ADAM28: variants seen among roughly 807,000 people sequenced by gnomAD.
The protein encoded by ADAM28 is ADAM metallopeptidase domain 28, also known as disintegrin and metalloproteinase domain-containing protein 28.
In ADAM28, 105 loss-of-function variants were observed where a neutral mutation model predicts 101.2. That is an observed-to-expected ratio of 1.04 (90% CI 0.89 to 1.22). The LOEUF is 1.22. Ranked by LOEUF, ADAM28 falls within the 50% of genes most tolerant of loss-of-function variation. The pLI, the probability that ADAM28 is intolerant of heterozygous loss-of-function variation, is 0.00. For synonymous variants in ADAM28, 322 were observed against 310.6 expected (o/e 1.04, Z -0.39); for missense variants, 1,028 against 945.4 (o/e 1.09, Z -1.15).
intron 18 of ADAM28, among the ~76,000 whole-genome samples, chr8:24,344,209 G>A (rs1329832729): frequency 6.6e-6 from 1 of 152,162 alleles, no homozygotes; most frequent in African/African-American, 2.4e-5. Context: ...GGGTGGGAAG[G>A]AGCCAGAGTG....
intron 22 of ADAM28, among the ~76,000 whole-genome samples, chr8:24,354,061 C>T (rs1025837174): frequency 3.3e-5 from 5 of 151,954 alleles, no homozygotes; most frequent in Non-Finnish European, 7.4e-5. Context: ...TATTTATTTT[C>T]TCAGAAATAT....
chr8:24,313,705 T>G (rs888956447), intron 6 of ADAM28, 125 bp downstream of exon 6: 3 of 934,710 alleles, frequency 3.2e-6, no homozygotes, highest in Admixed American at 5.6e-5. Flanking sequence ...ACACTAATCC[T>G]TAAATATTGC....
chr8:24,325,889 A>AAAAAAAAAAAAAAAAAAAAAAAAAAAC (rs1563297002), intron 9 of ADAM28, among the ~76,000 whole-genome samples: 1 of 141,922 alleles, frequency 7.0e-6, no homozygotes, highest in African/African-American at 2.8e-5. Flanking sequence ...AAAAAAAAAA[A>AAAAAAAAAAAAAAAAAAAAAAAAAAAC]AAAAAAAAAA....
In ADAM28 at chr8:24,335,459, G is replaced by C. The variant is rs200420801; in HGVS notation, c.1385G>C (p.Gly462Ala). The C allele has an allele frequency of 3.0e-4, 488 of 1,611,774 alleles. 3 individuals carry two copies. The highest frequency in any genetic ancestry group is 2.1e-5 in the Non-Finnish European group (25 of 1,178,898). Residue 462 changes from glycine to alanine, a missense_variant, in exon 14 of 23, where the codon GGG becomes GCG. By Grantham distance (60) the Gly-to-Ala change is moderately conservative. Coordinates refer to ENST00000265769, the MANE Select transcript of ADAM28 (RefSeq NM_014265.6). ...GTTTTTCTACAGTTTAAAAAGGCTG[G>C]GATGGTGTGCAGACCAGCAAAAGAT... is the stretch of plus-strand genomic sequence containing the variant. Reference protein sequence around the residue: ...CCEKCQFKKAGMVCRPAKDEC... With the variant: ...CCEKCQFKKAAMVCRPAKDEC...
At chr8:24,328,098 C>A (rs904918967) in intron 10 of ADAM28, among the ~76,000 whole-genome samples, 1 of 151,954 alleles carries the variant, frequency 6.6e-6, no homozygotes, top group Non-Finnish European at 1.5e-5. Context: ...CACTTCATTG[C>A]ATTTCCAGCA....
intron 8 of ADAM28, 138 bp downstream of exon 8, chr8:24,321,427 G>A (rs1811864881): frequency 5.4e-6 from 4 of 747,402 alleles, no homozygotes; most frequent in Non-Finnish European, 9.8e-6. Context: ...CCCAAAGGAT[G>A]ACCACAACTT....
Position 24,335,580 on chromosome 8 carries a change from C to T in ADAM28, c.1506C>T (p.Gly502=). The T allele has an allele frequency of 6.2e-7, 1 of 1,613,676 alleles. No homozygotes were observed. The highest frequency in any genetic ancestry group is 8.5e-7 in the Non-Finnish European group (1 of 1,179,796). The change falls in exon 14 of 23, where the codon GGC becomes GGT. Residue 502 remains glycine (G), a synonymous_variant. Coordinates refer to ENST00000265769, the MANE Select transcript of ADAM28 (RefSeq NM_014265.6). The part of the protein sequence containing the change: ...VNGFPCHHGK[G]HCLMGTCPTL... ...GCTTCCCTTGCCATCACGGGAAGGG[C>T]CACTGCTTGATGGGGACATGCCCCA...
rs1335624177 is a variant in ADAM28 at position 24,357,942 on chromosome 8, A to G, written c.*3538A>G. On this transcript the variant is annotated 3_prime_UTR_variant, in exon 23 of 23. Transcript: ENST00000265769. ...TTTATCTTCCAAATTACTGGTTTTT[A>G]TATTCTGTACTGTCAGTCCTCCTGT... 2 of 151,826 alleles carry G rather than the reference A, an allele frequency of 1.3e-5. No homozygotes were observed. The highest frequency in any genetic ancestry group is 2.9e-5 in the Non-Finnish European group (2 of 67,938). 9.4% of individuals were successfully genotyped at this position (151,826 alleles called of 1,614,324 possible).
At chr8:24,331,942 G>C (rs539903686) in intron 12 of ADAM28, among the ~76,000 whole-genome samples, 3 of 152,258 alleles carry the variant, frequency 2.0e-5, no homozygotes, top group African/African-American at 7.2e-5. Flanking sequence ...CAAGCCTTCA[G>C]AGTACTGGCT....
At chr8:24,311,646 G>A (rs1236755940) in intron 5 of ADAM28, among the ~76,000 whole-genome samples, 2 of 152,104 alleles carry the variant, frequency 1.3e-5, no homozygotes, top group Non-Finnish European at 2.9e-5. Context: ...ATATATTTTT[G>A]TTAGTTTAGT....
intron 21 of ADAM28, 85 bp downstream of exon 21, chr8:24,352,137 A>G: frequency 8.6e-7 from 1 of 1,156,250 alleles, no homozygotes; most frequent in Non-Finnish European, 1.3e-6. Flanking sequence ...ACACTTCATT[A>G]TTTCTTCAGG....
chr8:24,346,364 G>C (rs1290541399), intron 18 of ADAM28, among the ~76,000 whole-genome samples: 9 of 151,940 alleles, frequency 5.9e-5, no homozygotes. Context: ...GGTAATTACT[G>C]ACCTACTGTT....
In ADAM28 at chr8:24,354,619, T is replaced by C; in HGVS notation, c.*215T>C. ...CTTTGCATGAATTTAAAATTTCAAT[T>C]ATCCATTCTTATAAGAAGGAAGATG... On this transcript the variant is annotated 3_prime_UTR_variant, in exon 23 of 23. Transcript: ENST00000265769. 2.4e-6 allele frequency: 1 copy of C among 422,600 alleles called. No homozygotes were observed. Among genetic ancestry groups the C allele is most frequent in the Non-Finnish European group, 4.3e-6 (1 of 234,846 alleles). 26.2% of individuals were successfully genotyped at this position (422,600 alleles called of 1,614,324 possible).
In ADAM28 at chr8:24,294,171, G is replaced by C. The variant is rs1273223068; in HGVS notation, c.22G>C (p.Val8Leu). Residue 8 changes from valine to leucine, a missense_variant, in exon 1 of 23, where the codon GTC becomes CTC. Val to Leu is a conservative substitution (Grantham distance 32). Transcript: ENST00000265769. ...CAGCATGTTGCAAGGTCTCCTGCCA[G>C]TCAGTCTCCTCCTCTCTGTTGCAGG... The part of the protein sequence containing the change: MLQGLLP[V>L]SLLLSVAVSA... The C allele has an allele frequency of 1.2e-6, 2 of 1,614,164 alleles. No individual in the cohort carries two copies. Among genetic ancestry groups the C allele is most frequent in the Non-Finnish European group, 1.7e-6 (2 of 1,180,004 alleles).
intron 2 of ADAM28, among the ~76,000 whole-genome samples, chr8:24,303,679 G>T (rs1434079884): frequency 6.6e-6 from 1 of 152,118 alleles, no homozygotes; most frequent in African/African-American, 2.4e-5. Context: ...TTCTGTGAAA[G>T]ATGTCAATGG....
intron 5 of ADAM28, among the ~76,000 whole-genome samples, chr8:24,312,402 C>T (rs1188558046): frequency 6.6e-6 from 1 of 151,982 alleles, no homozygotes; most frequent in African/African-American, 2.4e-5. Context: ...ATTTTCAATC[C>T]CTTACCAAGT....
intron 1 of ADAM28, among the ~76,000 whole-genome samples, chr8:24,296,843 G>A (rs540008481): frequency 7.2e-5 from 11 of 152,242 alleles, no homozygotes; most frequent in Admixed American, 2.0e-4. Flanking sequence ...TGTTCCTCAG[G>A]CTTCAAAAAT....
chr8:24,338,988 T>C (rs1050838804), intron 14 of ADAM28, among the ~76,000 whole-genome samples: 1 of 152,044 alleles, frequency 6.6e-6, no homozygotes, highest in East Asian at 1.9e-4. Context: ...TACTTTTATA[T>C]ATGTGTAAAT....
At chr8:24,353,739 T>A (rs560540531) in intron 21 of ADAM28, 31 bp from the exon 22 acceptor site, 1 of 1,318,162 alleles carries the variant, frequency 7.6e-7, no homozygotes, top group Admixed American at 1.7e-5. Flanking sequence ...GCATTTCTAA[T>A]GCCATACCAT....
Sources: allele counts gnomAD v4.1 joint callset (sites outside exome capture counted in the v4.1 genomes callset), GRCh38; gene constraint gnomAD v4.1.1; transcripts MANE v1.5; gene names NCBI Gene and HGNC (gene_info 2026-07-23, HGNC 2026-07-21).